The following PTPN21 variants were observed in gnomAD, a reference collection of about 807,000 sequenced individuals.
PTPN21 encodes the protein tyrosine-protein phosphatase non-receptor type 21.
A neutral mutation model predicts 131.8 loss-of-function variants in PTPN21; 77 were observed. That is an observed-to-expected ratio of 0.58 (90% CI 0.49 to 0.71). The LOEUF (loss-of-function observed/expected upper bound fraction) is 0.71. Ranked by LOEUF, PTPN21 falls within the 30% of genes least tolerant of loss-of-function variation. PTPN21 has a pLI of 0.00. For missense variants in PTPN21, 1,552 were observed against 1,527.1 expected, an observed-to-expected ratio of 1.02 and a Z score of -0.27; for synonymous variants, 715 against 621.3, an observed-to-expected ratio of 1.15 and a Z score of -2.24.
At chr14:88,519,060 A>G (rs2078349714) in intron 2 of PTPN21, among the ~76,000 whole-genome samples, 1 of 152,174 alleles carries the variant, frequency 6.6e-6, no homozygotes. Flanking sequence ...ACGTTAGTGT[A>G]TTACTCAGAA....
chr14:88,467,649 T>A lies in PTPN21; in HGVS notation c.*488A>T, dbSNP rs142315773. The A allele has an allele frequency of 9.2e-5, 14 of 152,638 alleles. No homozygotes were observed. Among genetic ancestry groups the A allele is most frequent in the African/African-American group, 2.4e-4 (10 of 41,586 alleles). The allele number at this position is 152,638 out of a possible 1,614,324, so 9.5% of individuals were successfully genotyped here. ...TAACAAAAGATAATAACATGATTTTTAAATACAAAGTTATATAGGAGCAAC... is the reference window on the plus strand; with the variant it reads ...TAACAAAAGATAATAACATGATTTTAAAATACAAAGTTATATAGGAGCAAC... On this transcript the variant is annotated 3_prime_UTR_variant, in exon 19 of 19. Transcript: ENST00000556564.
rs2274736 is a variant in PTPN21 at position 88,472,308 on chromosome 14, A to G, written c.2807T>C (p.Val936Ala). The change falls in exon 15 of 19, where the codon GTG becomes GCG. Residue 936 changes from valine to alanine, a missense_variant. By Grantham distance (64) the Val-to-Ala change is moderately conservative. Coordinates refer to ENST00000556564, the MANE Select transcript of PTPN21 (RefSeq NM_007039.4). ...RFQDVLPYDD[V>A]RVELVPTKEN... ...TTTAGTTGGGACCAACTCCACTCTCACATCATCATAAGGAAGAACATCTTG... is the reference window on the plus strand; with the variant it reads ...TTTAGTTGGGACCAACTCCACTCTCGCATCATCATAAGGAAGAACATCTTG... The G allele has an allele frequency of 0.34, 550,677 of 1,612,314 alleles. 96,549 individuals carry two copies. The highest frequency in any genetic ancestry group is 0.5 in the African/African-American group (37,545 of 74,834).
In PTPN21 at chr14:88,504,448, C is replaced by A; in HGVS notation, c.564G>T (p.Val188=). ...ACCTGTATTTCTGATGTAGTAAGGC[C>A]ACTTTTTGGGTTGCTTCTTCCAATA... ...EKVLEEATQK[V]ALLHQKYRGL... is the part of the protein sequence containing the mutation. The change falls in exon 6 of 19, where the codon GTG becomes GTT. Residue 188 remains valine (V), a synonymous_variant. Coordinates refer to ENST00000556564, the MANE Select transcript of PTPN21 (RefSeq NM_007039.4). The A allele has an allele frequency of 1.2e-6, 2 of 1,612,046 alleles. No individual in the cohort carries two copies. The highest frequency in any genetic ancestry group is 1.7e-6 in the Non-Finnish European group (2 of 1,178,288).
rs1181486788 is a variant in PTPN21 at position 88,466,583 on chromosome 14, G to A, written c.*1554C>T. ...GAAGAGACCCCAAAAAGAAGGAAAA[G>A]GGAAAGGGTTCCTCAGCTAAATATC... is the stretch of plus-strand genomic sequence containing the variant. On this transcript the variant is annotated 3_prime_UTR_variant, in exon 19 of 19. Coordinates refer to ENST00000556564, the MANE Select transcript of PTPN21 (RefSeq NM_007039.4). 1 of 152,184 alleles carries A rather than the reference G, an allele frequency of 6.6e-6. No homozygotes were observed. Among genetic ancestry groups the A allele is most frequent in the East Asian group, 1.9e-4 (1 of 5,182 alleles). The allele number at this position is 152,184 out of a possible 1,614,324, so 9.4% of individuals were successfully genotyped here.
rs1238362150 is a variant in PTPN21 at position 88,479,166 on chromosome 14, C to T, written c.2265G>A (p.Leu755=). ...GCPRVLLAGP[L]HILEPKAHVP... is the part of the protein sequence containing the mutation. The stretch of plus-strand genomic sequence containing the variant: ...CGTGGGCCTTGGGCTCCAGGATGTG[C>T]AGGGGCCCGGCGAGCAGGACGCGAG... The change falls in exon 13 of 19, where the codon CTG becomes CTA. Residue 755 remains leucine (L), a synonymous_variant. Transcript: ENST00000556564. 1.9e-6 allele frequency: 3 copies of T among 1,552,878 alleles called. No individual in the cohort carries two copies. The highest frequency in any genetic ancestry group is 2.8e-5 in the African/African-American group (2 of 72,590).
chr14:88,539,376 A>G (rs2078673390), intron 2 of PTPN21, among the ~76,000 whole-genome samples: 2 of 151,766 alleles, frequency 1.3e-5, no homozygotes, highest in African/African-American at 4.8e-5. Context: ...CAGCCTCCTG[A>G]CTAGCTGGGA....
chr14:88,501,815 CAA>C (rs57033194), intron 6 of PTPN21, among the ~76,000 whole-genome samples: 1 of 145,366 alleles, frequency 6.9e-6, no homozygotes, highest in African/African-American at 2.5e-5. Flanking sequence ...CCTGTCACTA[CAA>C]AAAAAAAAAT....
intron 2 of PTPN21, among the ~76,000 whole-genome samples, chr14:88,526,094 A>G (rs1185001297): frequency 6.6e-6 from 1 of 152,210 alleles, no homozygotes; most frequent in Non-Finnish European, 1.5e-5. Context: ...TAGAATATAT[A>G]AATCCACAGA....
In PTPN21 at chr14:88,546,179, A is replaced by T. The variant is rs183417419; in HGVS notation, c.180+4059T>A. Among the ~76,000 whole-genome samples the T allele has an allele frequency of 1.0e-3, 155 of 151,200 alleles. 1 individual carries two copies. The highest frequency in any genetic ancestry group is 5.0e-3 in the South Asian group (24 of 4,822). The stretch of plus-strand genomic sequence containing the variant: ...ACAGCTAAAAATACAAACAAAAAAA[A>T]TACCCATATACCCAGTGTAAGAAAC... On this transcript the variant is annotated intron_variant, in intron 2 of 18. Transcript: ENST00000556564.
intron 4 of PTPN21, among the ~76,000 whole-genome samples, chr14:88,507,366 G>A (rs2078107065): frequency 6.6e-6 from 1 of 152,156 alleles, no homozygotes; most frequent in African/African-American, 2.4e-5. Context: ...GCAAACATCA[G>A]AGTATACTTA....
intron 10 of PTPN21, among the ~76,000 whole-genome samples, chr14:88,493,591 A>T (rs2140119681): frequency 6.6e-6 from 1 of 152,342 alleles, no homozygotes; most frequent in Middle Eastern, 3.4e-3. Flanking sequence ...TAACTTCAAG[A>T]GCAGTGCTAC....
At chr14:88,525,154 C>T (rs1366738592) in intron 2 of PTPN21, among the ~76,000 whole-genome samples, 1 of 151,818 alleles carries the variant, frequency 6.6e-6, no homozygotes, top group African/African-American at 2.4e-5. Context: ...GTGGAAGGAT[C>T]ACTTTAACCC....
intron 10 of PTPN21, among the ~76,000 whole-genome samples, chr14:88,495,468 C>T (rs1045671219): frequency 1.3e-5 from 2 of 152,156 alleles, no homozygotes; most frequent in African/African-American, 4.8e-5. Flanking sequence ...CAAGACCAGC[C>T]TGAACAACAT....
At chr14:88,484,213 AT>A (rs58568578) in intron 12 of PTPN21, among the ~76,000 whole-genome samples, 305 of 88,882 alleles carry the variant, frequency 3.4e-3, no homozygotes, top group East Asian at 7.4e-3. Flanking sequence ...ACGCCCAGCT[AT>A]TTTTTTTTTT....
At chr14:88,490,771 G>A (rs754329040) in intron 10 of PTPN21, among the ~76,000 whole-genome samples, 15 of 152,208 alleles carry the variant, frequency 9.9e-5, no homozygotes, top group Non-Finnish European at 2.2e-4. Context: ...TGCGCTCAGC[G>A]AGTGGCCTGC....
chr14:88,504,153 A>T (rs1168429011), intron 6 of PTPN21, among the ~76,000 whole-genome samples: 1 of 152,132 alleles, frequency 6.6e-6, no homozygotes, highest in Non-Finnish European at 1.5e-5. Flanking sequence ...GGCACCCTTC[A>T]ATGACTGGCT....
chr14:88,512,315 C>G (rs1314292733), intron 3 of PTPN21: 3 of 152,150 alleles, frequency 2.0e-5, no homozygotes, highest in Non-Finnish European at 4.4e-5. Flanking sequence ...TACCCAATAC[C>G]TGATTCATAT....
intron 5 of PTPN21, among the ~76,000 whole-genome samples, 186 bp from the exon 6 acceptor site, chr14:88,504,681 CA>C (rs138863875): frequency 9.8e-4 from 137 of 139,702 alleles, no homozygotes; most frequent in Admixed American, 3.9e-3. Flanking sequence ...TCACAAGAGC[CA>C]AAAAAAAAAA....
chr14:88,471,064 G>A (rs73329653), intron 15 of PTPN21, among the ~76,000 whole-genome samples: 5,629 of 152,178 alleles, frequency 0.037, 351 homozygotes, highest in African/African-American at 0.13. Context: ...GTTATTTCAA[G>A]GAAATGCTCG....
Sources: gnomAD v4.1 joint callset for allele counts (sites outside exome capture counted in the v4.1 genomes callset) on GRCh38, gnomAD v4.1.1 for gene constraint, MANE v1.5 for transcripts, NCBI Gene and HGNC (gene_info 2026-07-23, HGNC 2026-07-21) for gene names.